Variants in TMEM232 observed in about 807,000 individuals in gnomAD.
TMEM232 encodes transmembrane protein 232.
TMEM232 carries 80 observed loss-of-function variants against 78.8 expected under a neutral mutation model. The observed-to-expected ratio is 1.01, with a 90% CI of 0.85 to 1.22. The LOEUF (loss-of-function observed/expected upper bound fraction) is 1.22, where lower values mean the gene tolerates loss of function less well. Ranked by LOEUF, TMEM232 falls within the 50% of genes most tolerant of loss-of-function variation. The probability of loss-of-function intolerance (pLI) is 0.00; values close to 1 mark genes in which losing one functional copy is unlikely to be tolerated. For missense variants in TMEM232, 881 were observed against 742.2 expected, an observed-to-expected ratio of 1.19 and a Z score of -2.17; for synonymous variants, 297 against 254.3, an observed-to-expected ratio of 1.17 and a Z score of -1.60.
chr5:110,635,845 T>A lies in TMEM232; in HGVS notation c.501+2353A>T, dbSNP rs75956245. 7.9e-3 allele frequency among the ~76,000 whole-genome samples: 1,200 copies of A among 152,122 alleles called. 20 individuals carry two copies. The highest frequency in any genetic ancestry group is 0.061 in the East Asian group (314 of 5,182). On this transcript the variant is annotated intron_variant, in intron 5 of 13. Transcript: ENST00000455884. ...TTAGTACAGCCACTATGGAAAACAGTGTTTAGGTTTCTAAGAAACTAAAAA... is the reference window on the plus strand; with the variant it reads ...TTAGTACAGCCACTATGGAAAACAGAGTTTAGGTTTCTAAGAAACTAAAAA...
At chr5:110,408,022 T>A (rs1755855561) in intron 2 of TMEM232, among the ~76,000 whole-genome samples, 1 of 151,954 alleles carries the variant, frequency 6.6e-6, no homozygotes, top group Non-Finnish European at 1.5e-5. Context: ...TAAATTTTTT[T>A]AAACAAATGA....
At chr5:110,410,134 C>T (rs1264338022) in intron 2 of TMEM232, among the ~76,000 whole-genome samples, 1 of 152,202 alleles carries the variant, frequency 6.6e-6, no homozygotes, top group East Asian at 1.9e-4. Flanking sequence ...AGGTCAGAGG[C>T]TAGAATACAG....
chr5:110,664,791 A>G (rs1790329243), intron 2 of TMEM232, among the ~76,000 whole-genome samples: 2 of 152,176 alleles, frequency 1.3e-5, no homozygotes, highest in African/African-American at 4.8e-5. Context: ...TTGTAAGGAC[A>G]CTAATCTCAT....
At chr5:110,391,505 A>G (rs571252007) in intron 3 of TMEM232, among the ~76,000 whole-genome samples, 25 of 152,264 alleles carry the variant, frequency 1.6e-4, no homozygotes, top group Non-Finnish European at 3.4e-4. Context: ...GTAACAGAAA[A>G]TATTACTCAA....
intron 3 of TMEM232, among the ~76,000 whole-genome samples, chr5:110,642,024 GACTTA>G (rs1786802886): frequency 6.6e-6 from 1 of 151,852 alleles, no homozygotes; most frequent in African/African-American, 2.4e-5. Flanking sequence ...TTATTTGCCA[GACTTA>G]ACGTTTTGCT....
intron 12 of TMEM232, among the ~76,000 whole-genome samples, chr5:110,430,611 C>T (rs1009312870): frequency 6.6e-6 from 1 of 151,612 alleles, no homozygotes; most frequent in Non-Finnish European, 1.5e-5. Flanking sequence ...TTTTGTTTTC[C>T]TCTAAAATTT....
chr5:110,695,611 T>C (rs973148387), intron 1 of TMEM232, among the ~76,000 whole-genome samples: 7 of 151,968 alleles, frequency 4.6e-5, no homozygotes, highest in African/African-American at 1.7e-4. Flanking sequence ...TAAAAAATGA[T>C]AAAGGGGTAA....
chr5:110,722,871 A>G (rs1170170293), intron 1 of TMEM232, among the ~76,000 whole-genome samples: 3 of 152,198 alleles, frequency 2.0e-5, no homozygotes, highest in Admixed American at 2.0e-4. Flanking sequence ...AAGTAGACAC[A>G]GAGTTAATTC....
intron 12 of TMEM232, chr5:110,430,096 A>G (rs566453761): frequency 6.6e-6 from 1 of 151,588 alleles, no homozygotes; most frequent in Non-Finnish European, 1.5e-5. Context: ...TGATTCCCCA[A>G]AACTTCTGGA....
intron 10 of TMEM232, among the ~76,000 whole-genome samples, chr5:110,586,769 T>C (rs1206598288): frequency 6.6e-6 from 1 of 152,060 alleles, no homozygotes; most frequent in East Asian, 1.9e-4. Context: ...TTGGTAGACT[T>C]ACAAAAATAA....
intron 13 of TMEM232, among the ~76,000 whole-genome samples, chr5:110,422,178 T>C (rs1756710370): frequency 6.6e-6 from 1 of 152,160 alleles, no homozygotes. Flanking sequence ...TGACAGTATC[T>C]ATAAACAAAG....
intron 12 of TMEM232, among the ~76,000 whole-genome samples, chr5:110,472,819 G>A (rs887339092): frequency 6.6e-6 from 1 of 151,858 alleles, no homozygotes. Flanking sequence ...AACTCATACT[G>A]GGGTAAGGAC....
chr5:110,407,073 A>G (rs1353100186), intron 2 of TMEM232, among the ~76,000 whole-genome samples: 1 of 152,156 alleles, frequency 6.6e-6, no homozygotes, highest in Non-Finnish European at 1.5e-5. Flanking sequence ...GAAAGGGAAG[A>G]AGAGGAAAGT....
At chr5:110,731,048 T>C (rs557318583), upstream of TMEM232, among the ~76,000 whole-genome samples, 1 of 152,132 alleles carries the variant, frequency 6.6e-6, no homozygotes, top group East Asian at 1.9e-4. Context: ...AGGTATTGGG[T>C]AAATACAGCC....
intron 10 of TMEM232, among the ~76,000 whole-genome samples, chr5:110,587,606 G>A (rs1055331290): frequency 6.8e-6 from 1 of 147,212 alleles, no homozygotes; most frequent in Admixed American, 6.9e-5. Flanking sequence ...CAGATCCTAG[G>A]AAATAATTCT....
At chr5:110,414,970 T>C (rs527573952), downstream of TMEM232, among the ~76,000 whole-genome samples, 8 of 152,270 alleles carry the variant, frequency 5.3e-5, no homozygotes, top group East Asian at 3.9e-4. Context: ...ATTTGCTTCT[T>C]TGCTTCTCTT....
intron 10 of TMEM232, among the ~76,000 whole-genome samples, chr5:110,599,529 A>T: frequency 6.6e-6 from 1 of 152,174 alleles, no homozygotes; most frequent in East Asian, 1.9e-4. Context: ...CTAGTCTCTG[A>T]TGAAACAGAC....
At chr5:110,513,235 A>G (rs1199085939) in intron 12 of TMEM232, among the ~76,000 whole-genome samples, 1 of 152,206 alleles carries the variant, frequency 6.6e-6, no homozygotes, top group Non-Finnish European at 1.5e-5. Context: ...AGTTGGATTC[A>G]ACCTCTAAGC....
intron 1 of TMEM232, among the ~76,000 whole-genome samples, chr5:110,735,200 T>C (rs1799035865): frequency 6.6e-6 from 1 of 152,240 alleles, no homozygotes; most frequent in South Asian, 2.1e-4. Context: ...AATGTTAACA[T>C]AAATGAATGA....
Sources: allele counts gnomAD v4.1 joint callset (sites outside exome capture counted in the v4.1 genomes callset), GRCh38; gene constraint gnomAD v4.1.1; transcripts MANE v1.5; gene names NCBI Gene and HGNC (gene_info 2026-07-23, HGNC 2026-07-21).